The following DOCK4 variants were observed in gnomAD, a reference collection of about 807,000 sequenced individuals.
DOCK4 encodes dedicator of cytokinesis 4, also known as dedicator of cytokinesis protein 4.
In DOCK4, 97 loss-of-function variants were observed where a neutral mutation model predicts 268.1. The ratio of observed to expected loss-of-function variants is 0.36; its 90% CI spans 0.31 to 0.43. The LOEUF (loss-of-function observed/expected upper bound fraction) is 0.43, where lower values mean the gene tolerates loss of function less well. DOCK4 is among the 20% of genes least tolerant of loss of function. The pLI is 1.00. For synonymous variants in DOCK4, 954 were observed against 887.2 expected (o/e 1.08, Z -1.34); for missense variants, 2,145 against 2,455.7 (o/e 0.87, Z 2.67).
chr7:112,097,453 T>G lies in DOCK4; in HGVS notation c.38-93322A>C, dbSNP rs921091602. Among the ~76,000 whole-genome samples, 3 of 152,010 alleles carry G rather than the reference T, an allele frequency of 2.0e-5. No individual in the cohort carries two copies. The East Asian group carries it at 5.8e-4, about 30-fold the overall frequency. On this transcript the variant is annotated intron_variant, in intron 1 of 52. Transcript: ENST00000428084. ...AGCTGGGTGTGATGGTGTGCACCTGTGCTACCAGCTACTCAAGAGGCTGAG... is the reference window on the plus strand; with the variant it reads ...AGCTGGGTGTGATGGTGTGCACCTGGGCTACCAGCTACTCAAGAGGCTGAG...
chr7:112,004,081 C>A lies in DOCK4; in HGVS notation c.88G>T (p.Gly30Ter). The change falls in exon 2 of 53, where the codon GGA (glycine) becomes TGA (stop). Residue 30 changes from glycine (G) to a stop codon, truncating the protein, a stop_gained. Coordinates refer to ENST00000428084, the MANE Select transcript of DOCK4 (RefSeq NM_001363540.2). LOFTEE classifies it high-confidence loss of function. ...TTCTCCAGGATCTGAACTGTATCTC[C>A]AATTTCCAATGACAGGCCATATGGA... ...TVPYGLSLEI[G>*]DTVQILEKCD... The A allele has an allele frequency of 6.2e-7, 1 of 1,603,792 alleles. No individual in the cohort carries two copies. Among genetic ancestry groups the A allele is most frequent in the South Asian group, 1.1e-5 (1 of 88,466 alleles).
At chr7:111,944,056 G>A (rs1227323178) in intron 10 of DOCK4, among the ~76,000 whole-genome samples, 1 of 152,124 alleles carries the variant, frequency 6.6e-6, no homozygotes, top group Non-Finnish European at 1.5e-5. Flanking sequence ...GGTTACACCA[G>A]TCCTCATTTC....
chr7:112,125,030 C>T (rs1236123953), intron 1 of DOCK4, among the ~76,000 whole-genome samples: 1 of 152,130 alleles, frequency 6.6e-6, no homozygotes. Context: ...AAGCATGGCC[C>T]TAAAGCACTG....
Position 111,897,400 on chromosome 7 carries a change from C to T in DOCK4, c.1481-1682G>A, listed in dbSNP as rs112164188. 1.5e-3 allele frequency among the ~76,000 whole-genome samples: 235 copies of T among 152,158 alleles called. 1 individual carries two copies. Among genetic ancestry groups the T allele is most frequent in the Non-Finnish European group, 2.5e-3 (169 of 68,004 alleles). ...ATTTAATGCCTCCTTCTCATCCTCC[C>T]AGCTCTAAATATGGCAAGTACCCCA... is the stretch of plus-strand genomic sequence containing the variant. On this transcript the variant is annotated intron_variant, in intron 15 of 52. Coordinates refer to ENST00000428084, the MANE Select transcript of DOCK4 (RefSeq NM_001363540.2).
chr7:111,735,753 G>A (rs1211544818), intron 50 of DOCK4, among the ~76,000 whole-genome samples: 1 of 152,104 alleles, frequency 6.6e-6, no homozygotes, highest in African/African-American at 2.4e-5. Context: ...CAGGAATATG[G>A]GGCAATCCTG....
At chr7:112,012,932 C>G (rs866212980) in intron 1 of DOCK4, among the ~76,000 whole-genome samples, 1 of 152,046 alleles carries the variant, frequency 6.6e-6, no homozygotes, top group Non-Finnish European at 1.5e-5. Flanking sequence ...TCACTGCCAC[C>G]TCCACCTCGC....
rs1028053078 is a variant in DOCK4 at position 111,978,925 on chromosome 7, T to C, written c.550-1642A>G. ...GTATTAATAGAACGGGTGCTAAAAA[T>C]GTGGAAGATTATCACTTTCATAGCA... On this transcript the variant is annotated intron_variant, in intron 7 of 52. Coordinates refer to ENST00000428084, the MANE Select transcript of DOCK4 (RefSeq NM_001363540.2). Among the ~76,000 whole-genome samples the C allele has an allele frequency of 4.6e-5, 7 of 152,252 alleles. 1 individual carries two copies. Among genetic ancestry groups the C allele is most frequent in the Non-Finnish European group, 8.8e-5 (6 of 68,022 alleles).
At chr7:112,136,369 C>G (rs1461755785) in intron 1 of DOCK4, among the ~76,000 whole-genome samples, 1 of 151,916 alleles carries the variant, frequency 6.6e-6, no homozygotes, top group African/African-American at 2.4e-5. Context: ...GCCAGAATTC[C>G]CACTCCCACA....
At chr7:112,111,866 G>A (rs1319450877) in intron 1 of DOCK4, among the ~76,000 whole-genome samples, 1 of 152,182 alleles carries the variant, frequency 6.6e-6, no homozygotes, top group Admixed American at 6.5e-5. Flanking sequence ...ATTTCCAAGA[G>A]CCTCTGTGAT....
At chr7:111,972,629 T>C (rs1221776426) in intron 8 of DOCK4, among the ~76,000 whole-genome samples, 4 of 152,158 alleles carry the variant, frequency 2.6e-5, no homozygotes, top group Non-Finnish European at 5.9e-5. Context: ...CTGTGATCAA[T>C]GGCCAGACTG....
At chr7:112,091,700 C>A (rs924339814) in intron 1 of DOCK4, among the ~76,000 whole-genome samples, 4 of 152,132 alleles carry the variant, frequency 2.6e-5, no homozygotes, top group Non-Finnish European at 4.4e-5. Flanking sequence ...AAGGGTATTT[C>A]TCAGATTTTT....
At chr7:111,879,452 AG>A (rs1807191419) in intron 16 of DOCK4, among the ~76,000 whole-genome samples, 1 of 152,130 alleles carries the variant, frequency 6.6e-6, no homozygotes, top group Admixed American at 6.5e-5. Context: ...GGAAAAGCAA[AG>A]GGGGCTTTGC....
At chr7:111,910,196 A>G (rs185600967) in intron 13 of DOCK4, among the ~76,000 whole-genome samples, 304 of 152,320 alleles carry the variant, frequency 2.0e-3, no homozygotes, top group Admixed American at 4.0e-3. Context: ...ATCACAGAGT[A>G]AAAAATGGAC....
At chr7:112,135,992 A>G (rs1230882328) in intron 1 of DOCK4, among the ~76,000 whole-genome samples, 3 of 152,208 alleles carry the variant, frequency 2.0e-5, no homozygotes, top group Admixed American at 2.0e-4. Context: ...GTATTTGGCA[A>G]CCATCAAGAG....
At chr7:111,766,039 C>T (rs1797738864) in intron 38 of DOCK4, among the ~76,000 whole-genome samples, 1 of 152,178 alleles carries the variant, frequency 6.6e-6, no homozygotes. Flanking sequence ...ACATCATCAC[C>T]TCGCTTCTGT....
At chr7:112,111,473 T>C (rs567706202) in intron 1 of DOCK4, among the ~76,000 whole-genome samples, 47 of 152,340 alleles carry the variant, frequency 3.1e-4, no homozygotes, top group African/African-American at 1.1e-3. Context: ...ACTGACATCA[T>C]TTAGCCTATA....
intron 8 of DOCK4, among the ~76,000 whole-genome samples, chr7:111,975,229 T>A: frequency 6.6e-6 from 1 of 152,302 alleles, no homozygotes; most frequent in East Asian, 1.9e-4. Flanking sequence ...AATGTGCCAC[T>A]GAGTTCCAGC....
chr7:111,995,733 C>T (rs966536144), intron 4 of DOCK4, among the ~76,000 whole-genome samples: 2 of 152,042 alleles, frequency 1.3e-5, no homozygotes, highest in African/African-American at 4.8e-5. Flanking sequence ...ATCTTCTTGT[C>T]AGACATATGG....
At chr7:111,743,915 G>C (rs1173483709) in intron 44 of DOCK4, among the ~76,000 whole-genome samples, 2 of 152,160 alleles carry the variant, frequency 1.3e-5, no homozygotes, top group Non-Finnish European at 1.5e-5. Flanking sequence ...GAACTCCTGG[G>C]CTAAGGTGAT....
Sources: allele counts gnomAD v4.1 joint callset (sites outside exome capture counted in the v4.1 genomes callset), GRCh38; gene constraint gnomAD v4.1.1; transcripts MANE v1.5; gene names NCBI Gene and HGNC (gene_info 2026-07-23, HGNC 2026-07-21).